CDH12: variants seen among roughly 807,000 people sequenced by gnomAD.
The protein encoded by CDH12 is cadherin-12.
Under a neutral mutation model 74.1 loss-of-function variants are expected in CDH12, and 41 were observed. The observed-to-expected ratio is 0.55, with a 90% CI of 0.43 to 0.72. CDH12 has a LOEUF of 0.72. CDH12 is among the 30% of genes least tolerant of loss of function. CDH12 has a pLI of 0.00. For synonymous variants in CDH12, 399 were observed against 355.0 expected, an observed-to-expected ratio of 1.12 and a Z score of -1.39; for missense variants, 945 against 977.2, an observed-to-expected ratio of 0.97 and a Z score of 0.44.
intron 3 of CDH12, among the ~76,000 whole-genome samples, chr5:22,222,827 T>C (rs1025875980): frequency 7.9e-5 from 12 of 152,028 alleles, no homozygotes; most frequent in African/African-American, 2.7e-4. Context: ...AAACTCACTC[T>C]AAAGCAAGAT....
chr5:21,755,570 AT>A lies in CDH12; in HGVS notation c.1885+20del. Reference sequence around the variant, plus strand: ...AAGAGAGAGCGAGAAAAAATTAACAATGATTAATATTGAAACCAACCTAAGA... The same window carrying A: ...AAGAGAGAGCGAGAAAAAATTAACAAGATTAATATTGAAACCAACCTAAGA... On this transcript the variant is annotated intron_variant, in intron 14 of 14. Transcript: ENST00000382254. The A allele has an allele frequency of 6.3e-7, 1 of 1,598,718 alleles. No homozygotes were observed. Among genetic ancestry groups the A allele is most frequent in the Non-Finnish European group, 8.6e-7 (1 of 1,167,956 alleles).
At chr5:22,329,495 C>G (rs1488390105) in intron 3 of CDH12, among the ~76,000 whole-genome samples, 1 of 152,170 alleles carries the variant, frequency 6.6e-6, no homozygotes, top group Non-Finnish European at 1.5e-5. Context: ...CCCGCTGCCA[C>G]TAGAACACCA....
At chr5:22,591,416 T>A (rs996408133) in intron 1 of CDH12, among the ~76,000 whole-genome samples, 1 of 152,164 alleles carries the variant, frequency 6.6e-6, no homozygotes, top group Non-Finnish European at 1.5e-5. Flanking sequence ...TTTTTTAAAA[T>A]GGCATGTTTG....
chr5:22,454,218 T>C (rs577528295), intron 2 of CDH12, among the ~76,000 whole-genome samples: 2 of 152,226 alleles, frequency 1.3e-5, no homozygotes, highest in Non-Finnish European at 2.9e-5. Context: ...TAGTTCAATT[T>C]GCATTTTAAA....
Position 22,464,565 on chromosome 5 carries a change from G to A in CDH12, c.-428+40705C>T, listed in dbSNP as rs949696932. On this transcript the variant is annotated intron_variant, in intron 2 of 14. Coordinates refer to ENST00000382254, the MANE Select transcript of CDH12 (RefSeq NM_004061.5). ...TGTTGGAATTCCCTATAGTTCTGCC[G>A]TTACCCATTTTCATCCCATCACTAC... Among the ~76,000 whole-genome samples the A allele has an allele frequency of 5.3e-5, 8 of 151,966 alleles. No individual in the cohort carries two copies. The South Asian group carries it at 8.3e-4, about 16-fold the overall frequency.
intron 6 of CDH12, among the ~76,000 whole-genome samples, chr5:21,910,933 C>A (rs972677561): frequency 6.6e-6 from 1 of 152,128 alleles, no homozygotes; most frequent in African/African-American, 2.4e-5. Flanking sequence ...ATCCAATTAG[C>A]AATTTCTGTC....
intron 6 of CDH12, among the ~76,000 whole-genome samples, chr5:21,951,989 G>A (rs1755883834): frequency 6.6e-6 from 1 of 152,126 alleles, no homozygotes; most frequent in African/African-American, 2.4e-5. Context: ...CCACAAAGAG[G>A]AGTAGCTAGG....
chr5:22,326,321 G>A (rs149521880), intron 3 of CDH12, among the ~76,000 whole-genome samples: 11,913 of 151,582 alleles, frequency 0.079, 652 homozygotes, highest in South Asian at 0.16. Flanking sequence ...TGCAGGCTCC[G>A]CCCCCCGGGG....
At chr5:22,376,442 G>C (rs1741527824) in intron 3 of CDH12, among the ~76,000 whole-genome samples, 1 of 152,134 alleles carries the variant, frequency 6.6e-6, no homozygotes, top group African/African-American at 2.4e-5. Flanking sequence ...AAAGTAGCTA[G>C]AAGAGAGGAC....
chr5:21,950,627 T>A (rs1755808238), intron 6 of CDH12, among the ~76,000 whole-genome samples: 1 of 151,588 alleles, frequency 6.6e-6, no homozygotes, highest in Non-Finnish European at 1.5e-5. Flanking sequence ...AAATAATTTT[T>A]AAAATTCTGT....
chr5:22,475,306 A>G (rs1746122153), intron 2 of CDH12, among the ~76,000 whole-genome samples: 1 of 151,922 alleles, frequency 6.6e-6, no homozygotes, highest in African/African-American at 2.4e-5. Context: ...TTTTAAGTCT[A>G]TACTTCAAAT....
At chr5:22,565,137 C>A (rs780443562) in intron 1 of CDH12, among the ~76,000 whole-genome samples, 1 of 151,968 alleles carries the variant, frequency 6.6e-6, no homozygotes, top group Non-Finnish European at 1.5e-5. Context: ...GGTTTCACCA[C>A]GTTGGCCAAG....
intron 1 of CDH12, among the ~76,000 whole-genome samples, chr5:22,591,178 T>C (rs544530942): frequency 4.1e-4 from 62 of 152,302 alleles, no homozygotes; most frequent in African/African-American, 6.3e-4. Flanking sequence ...ATTTATTAAA[T>C]TGTAAACCAA....
rs186733476 is a variant in CDH12, at chr5:22,314,770, A to T, written c.-333+90487T>A. On this transcript the variant is annotated intron_variant, in intron 3 of 14. Coordinates refer to ENST00000382254, the MANE Select transcript of CDH12 (RefSeq NM_004061.5). ...AATGCAATAGAAATCCCGAAAACATACAAACCAAAAAAGGAATGAGGAAAG... is the reference window on the plus strand; with the variant it reads ...AATGCAATAGAAATCCCGAAAACATTCAAACCAAAAAAGGAATGAGGAAAG... Among the ~76,000 whole-genome samples the T allele has an allele frequency of 8.2e-4, 125 of 152,178 alleles. 1 individual carries two copies. Among genetic ancestry groups the T allele is most frequent in the Middle Eastern group, 6.8e-3 (2 of 294 alleles).
chr5:22,215,552 T>C (rs1251439672), intron 3 of CDH12, among the ~76,000 whole-genome samples: 1 of 152,166 alleles, frequency 6.6e-6, no homozygotes, highest in Non-Finnish European at 1.5e-5. Flanking sequence ...CCTTCTGCAA[T>C]TCATTTGCTC....
chr5:22,124,891 C>A (rs1374057782), intron 4 of CDH12, among the ~76,000 whole-genome samples: 1 of 152,098 alleles, frequency 6.6e-6, no homozygotes, highest in African/African-American at 2.4e-5. Flanking sequence ...TGTGATGCCA[C>A]CAGTTATAAT....
intron 4 of CDH12, among the ~76,000 whole-genome samples, chr5:22,156,014 G>A (rs1747999934): frequency 6.6e-6 from 1 of 152,054 alleles, no homozygotes; most frequent in Non-Finnish European, 1.5e-5. Flanking sequence ...GTACCCCTTG[G>A]GGTTCCCTGA....
intron 1 of CDH12, among the ~76,000 whole-genome samples, chr5:22,695,977 G>C (rs1405985166): frequency 6.6e-6 from 1 of 152,000 alleles, no homozygotes; most frequent in South Asian, 2.1e-4. Flanking sequence ...AACCAACACT[G>C]GTTCTTTTCA....
chr5:21,921,621 A>C (rs2150072349), intron 6 of CDH12, among the ~76,000 whole-genome samples: 1 of 152,340 alleles, frequency 6.6e-6, no homozygotes, highest in East Asian at 1.9e-4. Context: ...GAGTCAGTCC[A>C]ATGATCAGAT....
Sources: allele counts gnomAD v4.1 joint callset (sites outside exome capture counted in the v4.1 genomes callset), GRCh38; gene constraint gnomAD v4.1.1; transcripts MANE v1.5; gene names NCBI Gene and HGNC (gene_info 2026-07-23, HGNC 2026-07-21).